Variants in DUSP10 observed in about 807,000 individuals in gnomAD.
DUSP10 encodes the protein dual specificity protein phosphatase 10.
Under a neutral mutation model 30.8 loss-of-function variants are expected in DUSP10, and 14 were observed. The ratio of observed to expected loss-of-function variants is 0.46; its 90% CI spans 0.30 to 0.71. DUSP10 has a LOEUF of 0.71. Ranked by LOEUF, DUSP10 falls within the 30% of genes least tolerant of loss-of-function variation. The probability of loss-of-function intolerance (pLI) is 0.08; values close to 1 mark genes in which losing one functional copy is unlikely to be tolerated. For synonymous variants in DUSP10, 254 were observed against 250.4 expected, an observed-to-expected ratio of 1.01 and a Z score of -0.14; for missense variants, 550 against 619.4, an observed-to-expected ratio of 0.89 and a Z score of 1.19.
At chr1:221,740,132 G>A (rs964831125) in intron 1 of DUSP10, among the ~76,000 whole-genome samples, 1 of 152,298 alleles carries the variant, frequency 6.6e-6, no homozygotes, top group African/African-American at 2.4e-5. Flanking sequence ...CTCTTAAGAG[G>A]CATCTATTCT....
intron 2 of DUSP10, among the ~76,000 whole-genome samples, chr1:221,712,412 GT>G (rs1283890967): frequency 4.6e-5 from 7 of 152,166 alleles, no homozygotes; most frequent in Non-Finnish European, 1.0e-4. Flanking sequence ...CTGACTATGA[GT>G]CAGAGAGAAG....
At chr1:221,724,669 T>G (rs1057082494) in intron 2 of DUSP10, among the ~76,000 whole-genome samples, 10 of 152,212 alleles carry the variant, frequency 6.6e-5, no homozygotes, top group Admixed American at 6.5e-4. Context: ...GTGTCATAAT[T>G]GTTCCCATTC....
intron 3 of DUSP10, among the ~76,000 whole-genome samples, 185 bp downstream of exon 3, chr1:221,705,909 CT>C (rs1438569418): frequency 5.3e-5 from 8 of 152,210 alleles, no homozygotes; most frequent in African/African-American, 1.7e-4. Flanking sequence ...ATCCTGATGG[CT>C]TGGATACACT....
rs1661881299 is a variant in DUSP10, at chr1:221,739,388, G to C, written c.357C>G (p.Asn119Lys). The change falls in exon 2 of 4, where the codon AAC becomes AAG. Residue 119 changes from asparagine to lysine, a missense_variant. Asn to Lys is a moderately conservative substitution (Grantham distance 94). Transcript: ENST00000366899. ...STTCPANQMVNNNENTGSLSP... is the reference protein window; with the variant it reads ...STTCPANQMVKNNENTGSLSP... ...TTAGAGAGCCTGTATTCTCATTATT[G>C]TTGACCATCTGGTTAGCAGGGCAGG... The C allele has an allele frequency of 6.2e-7, 1 of 1,614,138 alleles. No homozygotes were observed. The highest frequency in any genetic ancestry group is 1.7e-4 in the Middle Eastern group (1 of 6,060).
intron 1 of DUSP10, among the ~76,000 whole-genome samples, chr1:221,740,048 G>T (rs1343139586): frequency 6.6e-6 from 1 of 152,130 alleles, no homozygotes; most frequent in African/African-American, 2.4e-5. Flanking sequence ...AACCTTTCCT[G>T]GACCTACATA....
intron 2 of DUSP10, among the ~76,000 whole-genome samples, chr1:221,727,694 C>A (rs1009440569): frequency 1.3e-5 from 2 of 152,160 alleles, no homozygotes; most frequent in African/African-American, 4.8e-5. Context: ...AACTTATGAT[C>A]AGTGAAGTTA....
At position 221,739,152 on chromosome 1, in the gene DUSP10, T is replaced by C. The variant is rs1661869826; in HGVS notation, c.593A>G (p.Asp198Gly). The C allele has an allele frequency of 1.2e-6, 2 of 1,614,120 alleles. No individual in the cohort carries two copies. The highest frequency in any genetic ancestry group is 1.7e-5 in the Admixed American group (1 of 60,008). Reference sequence around the variant, plus strand: ...CTGCAGTCTCCGCCGGCTGATCTTATCGGCACAGTTAATGTGGACAGCTCC... The same window carrying C: ...CTGCAGTCTCCGCCGGCTGATCTTACCGGCACAGTTAATGTGGACAGCTCC... ...IQGAVHINCA[D>G]KISRRRLQQG... Residue 198 changes from aspartate (D) to glycine (G), a missense_variant, in exon 2 of 4, where the codon GAT becomes GGT. Asp to Gly is a moderately conservative substitution (Grantham distance 94). Transcript: ENST00000366899.
At chr1:221,705,353 C>T (rs566375548) in intron 3 of DUSP10, among the ~76,000 whole-genome samples, 21 of 152,110 alleles carry the variant, frequency 1.4e-4, no homozygotes, top group Non-Finnish European at 3.1e-4. Context: ...TCAGGTGATC[C>T]ACCCGCCTCG....
At chr1:221,738,015 G>A (rs545780341) in intron 2 of DUSP10, among the ~76,000 whole-genome samples, 25 of 152,296 alleles carry the variant, frequency 1.6e-4, no homozygotes, top group Admixed American at 1.1e-3. Flanking sequence ...AAAAGATGCC[G>A]AATGAGAGTG....
At position 221,731,272 on chromosome 1, in the gene DUSP10, TA is replaced by T. The variant is rs199507169; in HGVS notation, c.811+7661del. Among the ~76,000 whole-genome samples, 869 of 151,530 alleles carry T rather than the reference TA, an allele frequency of 5.7e-3. 6 individuals are homozygous for T. The highest frequency in any genetic ancestry group is 0.017 in the African/African-American group (707 of 41,394). On this transcript the variant is annotated intron_variant, in intron 2 of 3. Transcript: ENST00000366899. Reference sequence around the variant, plus strand: ...TTTTTAATTGTACTTGCAAACATTTTATTTTTTTAAAGCAGGCCAAAACCTT... The same window carrying T: ...TTTTTAATTGTACTTGCAAACATTTTTTTTTTTAAAGCAGGCCAAAACCTT...
chr1:221,727,645 T>C (rs963611202), intron 2 of DUSP10, among the ~76,000 whole-genome samples: 1 of 152,342 alleles, frequency 6.6e-6, no homozygotes, highest in Admixed American at 6.5e-5. Flanking sequence ...CCTGGGGTTG[T>C]TGTGGTTCAG....
chr1:221,706,581 A>T lies in DUSP10; in HGVS notation c.812-115T>A. 4.8e-5 allele frequency: 31 copies of T among 640,894 alleles called. No individual in the cohort carries two copies. Among genetic ancestry groups the T allele is most frequent in the Non-Finnish European group, 7.1e-5 (30 of 423,784 alleles). 39.7% of individuals were successfully genotyped at this position (640,894 alleles called of 1,614,324 possible). A position where few individuals can be genotyped will look rare whatever the true frequency, so the allele number is the denominator to read the frequency against. On this transcript the variant is annotated intron_variant, in intron 2 of 3. Coordinates refer to ENST00000366899, the MANE Select transcript of DUSP10 (RefSeq NM_007207.6). This position sits in a 1 kb window ranked among gnomAD's most constrained non-coding sequence, Gnocchi z 4.6. Reference sequence around the variant, plus strand: ...GCTCATGCATATTTTAAATACATATATAAATATGTATTTAAGCAAAAAAAA... The same window carrying T: ...GCTCATGCATATTTTAAATACATATTTAAATATGTATTTAAGCAAAAAAAA...
intron 2 of DUSP10, among the ~76,000 whole-genome samples, chr1:221,730,781 C>T (rs932690699): frequency 2.0e-5 from 3 of 151,710 alleles, no homozygotes; most frequent in Admixed American, 6.6e-5. Context: ...GGGTCTTGCT[C>T]GGGTGGGGGA....
rs574838343 is a variant in DUSP10, at chr1:221,722,620, G to A, written c.812-16154C>T. Among the ~76,000 whole-genome samples, 10 of 152,310 alleles carry A rather than the reference G, an allele frequency of 6.6e-5. 1 individual carries two copies. The highest frequency in any genetic ancestry group is 5.8e-4 in the East Asian group (3 of 5,196). On this transcript the variant is annotated intron_variant, in intron 2 of 3. Transcript: ENST00000366899. The stretch of plus-strand genomic sequence containing the variant: ...TTTATTCCTAGTTTTCACTGGTGAC[G>A]GAAACTTTCTCCCAATAACTGCAGA...
rs200957671 is a variant in DUSP10, at chr1:221,739,389, T to C, written c.356A>G (p.Asn119Ser). Residue 119 changes from asparagine (N) to serine (S), a missense_variant, in exon 2 of 4, where the codon AAC becomes AGC. By Grantham distance (46) the Asn-to-Ser change is conservative. Coordinates refer to ENST00000366899, the MANE Select transcript of DUSP10 (RefSeq NM_007207.6). ...TAGAGAGCCTGTATTCTCATTATTG[T>C]TGACCATCTGGTTAGCAGGGCAGGT... ...STTCPANQMV[N>S]NNENTGSLSP... 2 of 1,614,206 alleles carry C rather than the reference T, an allele frequency of 1.2e-6. No individual in the cohort carries two copies. Among genetic ancestry groups the C allele is most frequent in the East Asian group, 2.2e-5 (1 of 44,884 alleles).
chr1:221,736,625 C>A (rs1331154116), intron 2 of DUSP10, among the ~76,000 whole-genome samples: 1 of 152,148 alleles, frequency 6.6e-6, no homozygotes, highest in Non-Finnish European at 1.5e-5. Flanking sequence ...TCTGGTTTAC[C>A]AAGTTGAAAG....
chr1:221,727,997 A>T (rs1353928253), intron 2 of DUSP10, among the ~76,000 whole-genome samples: 2 of 152,198 alleles, frequency 1.3e-5, no homozygotes, highest in African/African-American at 2.4e-5. Flanking sequence ...TCCACTCTCA[A>T]GAGTGGATTA....
intron 2 of DUSP10, among the ~76,000 whole-genome samples, chr1:221,726,570 T>C (rs1661431004): frequency 1.3e-5 from 2 of 152,112 alleles, no homozygotes; most frequent in South Asian, 4.1e-4. Context: ...GGATTAGTAA[T>C]ATTATGTTTT....
intron 2 of DUSP10, chr1:221,737,104 G>A: frequency 7.1e-6 from 7 of 985,334 alleles, no homozygotes; most frequent in Non-Finnish European, 8.4e-6. Flanking sequence ...ATGACTGATG[G>A]GTCACCCCTA....
Sources: gnomAD v4.1 joint callset for allele counts (sites outside exome capture counted in the v4.1 genomes callset) on GRCh38, gnomAD v4.1.1 for gene constraint, Gnocchi (gnomAD v3.1) non-coding constraint, MANE v1.5 for transcripts, NCBI Gene and HGNC (gene_info 2026-07-23, HGNC 2026-07-21) for gene names.